DNAAF9: variants seen among roughly 807,000 people sequenced by gnomAD.
The protein encoded by DNAAF9 is shulin.
In DNAAF9, 90 loss-of-function variants were observed where a neutral mutation model predicts 167.0. The observed-to-expected ratio is 0.54, with a 90% CI of 0.45 to 0.64. The LOEUF is 0.64. DNAAF9 is among the 30% of genes least tolerant of loss of function. The probability of loss-of-function intolerance (pLI) is 0.00; values close to 1 mark genes in which losing one functional copy is unlikely to be tolerated. For synonymous variants in DNAAF9, 491 were observed against 508.8 expected (o/e 0.96, Z 0.47); for missense variants, 1,315 against 1,442.2 (o/e 0.91, Z 1.43).
Position 3,315,126 on chromosome 20 carries a change from A to G in DNAAF9, c.1591-6T>C. The G allele has an allele frequency of 2.5e-6, 4 of 1,570,778 alleles. No individual in the cohort carries two copies. The highest frequency in any genetic ancestry group is 3.5e-6 in the Non-Finnish European group (4 of 1,141,502). On this transcript the variant is annotated splice_region_variant and splice_polypyrimidine_tract_variant and intron_variant, in intron 19 of 36. Coordinates refer to ENST00000252032, the MANE Select transcript of DNAAF9 (RefSeq NM_001009984.3). This position sits in a 1 kb window ranked among gnomAD's most constrained non-coding sequence, Gnocchi z 4.1. The stretch of plus-strand genomic sequence containing the variant: ...CCCAGGAAAGACTCATCCCCCTTTA[A>G]AAACAACAACAAAAACAAAAATCCA...
rs145613749 is a variant in DNAAF9 at position 3,259,875 on chromosome 20, T to C, written c.2980+47A>G. 177 of 1,125,470 alleles carry C rather than the reference T, an allele frequency of 1.6e-4. No individual in the cohort carries two copies. The African/African-American group carries it at 2.4e-3, about 15-fold the overall frequency. The allele number at this position is 1,125,470 out of a possible 1,614,324, so 69.7% of individuals were successfully genotyped here. ...TGGTACCAGGAGGCAGAATTAACTC[T>C]GGGACACCCTTTTTCCAGTGTCTAG... is the stretch of plus-strand genomic sequence containing the variant. On this transcript the variant is annotated intron_variant, in intron 32 of 36. Coordinates refer to ENST00000252032, the MANE Select transcript of DNAAF9 (RefSeq NM_001009984.3).
At chr20:3,320,447 A>G (rs1216780595) in intron 16 of DNAAF9, among the ~76,000 whole-genome samples, 1 of 152,182 alleles carries the variant, frequency 6.6e-6, no homozygotes, top group African/African-American at 2.4e-5. Context: ...TTGACGCAAG[A>G]CTATGATTTT....
intron 1 of DNAAF9, among the ~76,000 whole-genome samples, chr20:3,395,443 G>A (rs2123288807): frequency 6.6e-6 from 1 of 152,038 alleles, no homozygotes; most frequent in South Asian, 2.1e-4. Context: ...ACTATGCCCA[G>A]CTGATTTTTG....
intron 1 of DNAAF9, among the ~76,000 whole-genome samples, chr20:3,399,987 T>A (rs552506435): frequency 2.6e-5 from 4 of 152,332 alleles, no homozygotes; most frequent in Admixed American, 6.5e-5. Flanking sequence ...TTGGTATGCA[T>A]AAGACACTCT....
At chr20:3,270,875 C>T (rs2068581814) in intron 29 of DNAAF9, among the ~76,000 whole-genome samples, 1 of 149,458 alleles carries the variant, frequency 6.7e-6, no homozygotes, top group South Asian at 2.1e-4. Context: ...TGCAGTGGTG[C>T]GATCTCAGCT....
At chr20:3,255,567 C>G (rs1044691617) in intron 34 of DNAAF9, among the ~76,000 whole-genome samples, 1 of 152,106 alleles carries the variant, frequency 6.6e-6, no homozygotes, top group African/African-American at 2.4e-5. Flanking sequence ...CTCAACCCTA[C>G]CAATGAGAGG....
chr20:3,296,701 C>T (rs1206752278), intron 23 of DNAAF9, 160 bp downstream of exon 23: 6 of 645,582 alleles, frequency 9.3e-6, no homozygotes, highest in South Asian at 1.9e-5. Flanking sequence ...TTCTATTCCC[C>T]CAAGGGCACC....
At chr20:3,345,141 C>T in intron 8 of DNAAF9, among the ~76,000 whole-genome samples, 1 of 152,146 alleles carries the variant, frequency 6.6e-6, no homozygotes. Context: ...GCCTTAGCCT[C>T]CCAAGTAGCT....
intron 26 of DNAAF9, among the ~76,000 whole-genome samples, chr20:3,289,426 CAGAG>C (rs754300917): frequency 1.2e-4 from 19 of 152,144 alleles, no homozygotes; most frequent in Non-Finnish European, 2.4e-4. Context: ...GTTTGGGTGA[CAGAG>C]AGAGACCCCA....
At chr20:3,326,795 CT>C (rs71337391) in intron 12 of DNAAF9, among the ~76,000 whole-genome samples, 5 of 150,868 alleles carry the variant, frequency 3.3e-5, no homozygotes, top group Admixed American at 6.6e-5. Context: ...TTATACTTTG[CT>C]TTTGTTAAAT....
chr20:3,276,748 A>G (rs1339355726), intron 29 of DNAAF9, among the ~76,000 whole-genome samples: 4 of 152,192 alleles, frequency 2.6e-5, no homozygotes, highest in Non-Finnish European at 4.4e-5. Flanking sequence ...ACGGTGGACA[A>G]GGGGCTCTGA....
chr20:3,289,825 A>C (rs1223251411), intron 26 of DNAAF9, among the ~76,000 whole-genome samples: 1 of 151,876 alleles, frequency 6.6e-6, no homozygotes, highest in Non-Finnish European at 1.5e-5. Context: ...TCTCTGCTTT[A>C]TTTTCTCCAT....
intron 1 of DNAAF9, among the ~76,000 whole-genome samples, chr20:3,389,303 A>G (rs1382315150): frequency 6.7e-6 from 1 of 149,304 alleles, no homozygotes; most frequent in Admixed American, 6.6e-5. Flanking sequence ...ATACCACCAC[A>G]CCCAGCTAAT....
At chr20:3,263,652 A>T (rs1273970184) in intron 31 of DNAAF9, among the ~76,000 whole-genome samples, 2 of 152,208 alleles carry the variant, frequency 1.3e-5, no homozygotes, top group Non-Finnish European at 2.9e-5. Flanking sequence ...TAAATGAGAC[A>T]ACACAAACAA....
At chr20:3,336,599 G>C (rs2069956056) in intron 10 of DNAAF9, among the ~76,000 whole-genome samples, 1 of 152,008 alleles carries the variant, frequency 6.6e-6, no homozygotes, top group Admixed American at 6.6e-5. Flanking sequence ...TCCCAGGCTA[G>C]AGTGCAATGG....
At chr20:3,394,871 A>ACTTTTAT (rs2083876796) in intron 1 of DNAAF9, among the ~76,000 whole-genome samples, 1 of 150,114 alleles carries the variant, frequency 6.7e-6, no homozygotes, top group East Asian at 2.0e-4. Context: ...TATACAGATT[A>ACTTTTAT]CTTTTATAGC....
At chr20:3,372,303 A>G (rs1386734939) in intron 6 of DNAAF9, among the ~76,000 whole-genome samples, 3 of 152,222 alleles carry the variant, frequency 2.0e-5, no homozygotes, top group Non-Finnish European at 4.4e-5. Context: ...GGGCAGGGGA[A>G]AGAAGACTGA....
intron 29 of DNAAF9, among the ~76,000 whole-genome samples, chr20:3,276,057 C>T (rs547411021): frequency 3.3e-5 from 5 of 152,306 alleles, no homozygotes; most frequent in Admixed American, 2.0e-4. Flanking sequence ...CTATAATACA[C>T]ATTGTCTTGG....
intron 33 of DNAAF9, 37 bp from the exon 34 acceptor site, chr20:3,256,248 C>T (rs1304149225): frequency 1.4e-6 from 2 of 1,427,784 alleles, no homozygotes; most frequent in Non-Finnish European, 2.0e-6. Flanking sequence ...TGAGAGCCTG[C>T]CTTGAAAGGA....
Sources: gnomAD v4.1 joint callset for allele counts (sites outside exome capture counted in the v4.1 genomes callset) on GRCh38, gnomAD v4.1.1 for gene constraint, Gnocchi (gnomAD v3.1) non-coding constraint, MANE v1.5 for transcripts, NCBI Gene and HGNC (gene_info 2026-07-23, HGNC 2026-07-21) for gene names.